The following RAPGEF2 variants were observed in gnomAD, a reference collection of about 807,000 sequenced individuals.
RAPGEF2 encodes PDZ domain containing guanine nucleotide exchange factor (GEF) 1.
A neutral mutation model predicts 186.7 loss-of-function variants in RAPGEF2; 54 were observed. That is an observed-to-expected ratio of 0.29 (90% CI 0.23 to 0.36). The LOEUF is 0.36. RAPGEF2 is among the 10% of genes least tolerant of loss of function. RAPGEF2 has a pLI of 1.00. For missense variants in RAPGEF2, 1,532 were observed against 2,045.0 expected, an observed-to-expected ratio of 0.75 and a Z score of 4.84; for synonymous variants, 712 against 705.9, an observed-to-expected ratio of 1.01 and a Z score of -0.14.
intron 8 of RAPGEF2, among the ~76,000 whole-genome samples, chr4:159,312,822 G>C (rs894959994): frequency 6.6e-6 from 1 of 152,120 alleles, no homozygotes; most frequent in Non-Finnish European, 1.5e-5. Context: ...GATATGAACC[G>C]GGACTTTACA....
intron 1 of RAPGEF2, among the ~76,000 whole-genome samples, chr4:159,137,890 A>G (rs2111153842): frequency 6.6e-6 from 1 of 152,300 alleles, no homozygotes; most frequent in South Asian, 2.1e-4. Flanking sequence ...AATTGATTTA[A>G]TGAGTTAAAA....
intron 16 of RAPGEF2, 25 bp from the exon 17 acceptor site, chr4:159,332,426 G>T (rs776793444): frequency 6.3e-7 from 1 of 1,596,776 alleles, no homozygotes; most frequent in African/African-American, 1.4e-5. Context: ...CCATTACGTG[G>T]TGTTTCTGTT....
chr4:159,126,530 T>TA (rs1434198002), intron 1 of RAPGEF2, among the ~76,000 whole-genome samples: 47 of 151,214 alleles, frequency 3.1e-4, no homozygotes, highest in African/African-American at 1.1e-3. Context: ...TGTCCAGGTT[T>TA]TAAAAAAAAA....
At chr4:159,114,847 G>A (rs1738875405) in intron 1 of RAPGEF2, among the ~76,000 whole-genome samples, 1 of 152,092 alleles carries the variant, frequency 6.6e-6, no homozygotes, top group African/African-American at 2.4e-5. Context: ...TGAGGGGGTG[G>A]AAGGGGAGGG....
chr4:159,234,731 G>A (rs1382942519), intron 4 of RAPGEF2, among the ~76,000 whole-genome samples: 2 of 151,154 alleles, frequency 1.3e-5, no homozygotes, highest in Non-Finnish European at 2.9e-5. Flanking sequence ...CAAAGTGGGG[G>A]GATTATAGGC....
intron 7 of RAPGEF2, among the ~76,000 whole-genome samples, chr4:159,253,560 TC>T (rs1258109556): frequency 1.3e-5 from 2 of 152,250 alleles, no homozygotes; most frequent in Non-Finnish European, 2.9e-5. Flanking sequence ...ATTATTATCA[TC>T]TGTTTTTCTT....
chr4:159,161,271 C>A (rs1420098550), intron 1 of RAPGEF2, among the ~76,000 whole-genome samples: 1 of 152,112 alleles, frequency 6.6e-6, no homozygotes, highest in Non-Finnish European at 1.5e-5. Context: ...TTTCAGAAAG[C>A]CAGTGATTAG....
chr4:159,339,057 G>T (rs13127789), intron 18 of RAPGEF2, 57 bp from the exon 19 acceptor site: 672,841 of 1,557,486 alleles, frequency 0.43, 151,210 homozygotes, highest in Non-Finnish European at 0.46. Flanking sequence ...TTGCTTAATT[G>T]CATTGCCATA....
chr4:159,140,367 A>G (rs963739151), intron 1 of RAPGEF2, among the ~76,000 whole-genome samples: 1 of 152,250 alleles, frequency 6.6e-6, no homozygotes, highest in African/African-American at 2.4e-5. Context: ...GAATCAAGCA[A>G]ATAAACAGCA....
Position 159,330,429 on chromosome 4 carries a change from T to C in RAPGEF2, c.1398T>C (p.Phe466=). The C allele has an allele frequency of 6.2e-7, 1 of 1,608,842 alleles. No individual in the cohort carries two copies. The highest frequency in any genetic ancestry group is 8.5e-7 in the Non-Finnish European group (1 of 1,178,638). The change falls in exon 13 of 30, where the codon TTT becomes TTC. Residue 466 remains phenylalanine (F), a synonymous_variant. Coordinates refer to ENST00000691494, the MANE Select transcript of RAPGEF2 (RefSeq NM_001394067.2). ...ACTTTCTGTTGACCTATAGGACTTT[T>C]CTTTCTAGCCCAATGGAAGTGGGCA... is the stretch of plus-strand genomic sequence containing the variant. ...IEDFLLTYRT[F]LSSPMEVGKK...
intron 1 of RAPGEF2, among the ~76,000 whole-genome samples, chr4:159,146,598 CTG>C (rs1298845061): frequency 6.6e-6 from 1 of 152,134 alleles, no homozygotes; most frequent in Non-Finnish European, 1.5e-5. Flanking sequence ...GATGAGGAAA[CTG>C]TAATATGATG....
At chr4:159,208,805 C>G (rs570846756) in intron 3 of RAPGEF2, among the ~76,000 whole-genome samples, 1 of 152,066 alleles carries the variant, frequency 6.6e-6, no homozygotes, top group African/African-American at 2.4e-5. Flanking sequence ...AAGCAGCAAA[C>G]TGGGAGAAAA....
At chr4:159,344,853 A>G (rs1168343633) in intron 23 of RAPGEF2, among the ~76,000 whole-genome samples, 1 of 152,230 alleles carries the variant, frequency 6.6e-6, no homozygotes, top group Non-Finnish European at 1.5e-5. Flanking sequence ...AATGCTCTAT[A>G]GAGTGAAAAG....
At chr4:159,293,925 G>A (rs1055888281) in intron 7 of RAPGEF2, among the ~76,000 whole-genome samples, 6 of 152,134 alleles carry the variant, frequency 3.9e-5, no homozygotes, top group East Asian at 1.9e-4. Context: ...TAGAAGTGGC[G>A]TACTCACTTC....
rs368962704 is a variant in RAPGEF2 at position 159,211,995 on chromosome 4, C to T, written c.281+1412C>T. Reference sequence around the variant, plus strand: ...ACAAAATAGCTAAGCTTTTACAGTACTTTCCATTTACCAGGCACCATTTTA... The same window carrying T: ...ACAAAATAGCTAAGCTTTTACAGTATTTTCCATTTACCAGGCACCATTTTA... On this transcript the variant is annotated intron_variant, in intron 4 of 29. Coordinates refer to ENST00000691494, the MANE Select transcript of RAPGEF2 (RefSeq NM_001394067.2). Among the ~76,000 whole-genome samples the T allele has an allele frequency of 4.4e-4, 67 of 152,252 alleles. 1 individual carries two copies. The South Asian group carries it at 0.013, about 30-fold the overall frequency.
At chr4:159,213,144 G>A (rs1330237170) in intron 4 of RAPGEF2, among the ~76,000 whole-genome samples, 1 of 152,182 alleles carries the variant, frequency 6.6e-6, no homozygotes, top group Non-Finnish European at 1.5e-5. Flanking sequence ...TGTTGCACCT[G>A]CTGACAGTTT....
intron 29 of RAPGEF2, among the ~76,000 whole-genome samples, chr4:159,357,008 A>G (rs1397695637): frequency 6.6e-6 from 1 of 152,170 alleles, no homozygotes; most frequent in African/African-American, 2.4e-5. Context: ...CTGTGGAAAC[A>G]TTATATTTGC....
intron 7 of RAPGEF2, among the ~76,000 whole-genome samples, chr4:159,288,760 AC>A (rs908607584): frequency 1.3e-5 from 2 of 152,044 alleles, no homozygotes; most frequent in African/African-American, 2.4e-5. Context: ...TTCTCCCTCA[AC>A]ATTCTCACTC....
At chr4:159,337,622 G>A (rs756132434) in intron 17 of RAPGEF2, among the ~76,000 whole-genome samples, 5 of 151,916 alleles carry the variant, frequency 3.3e-5, no homozygotes, top group Non-Finnish European at 7.4e-5. Flanking sequence ...GGGCGTGGTG[G>A]CTCACGCCTG....
Sources: allele counts gnomAD v4.1 joint callset (sites outside exome capture counted in the v4.1 genomes callset), GRCh38; gene constraint gnomAD v4.1.1; transcripts MANE v1.5; gene names NCBI Gene and HGNC (gene_info 2026-07-23, HGNC 2026-07-21).